CLIP2: variants seen among roughly 807,000 people sequenced by gnomAD.
CLIP2 encodes CAP-Gly domain-containing linker protein 2.
CLIP2 carries 41 observed loss-of-function variants against 111.7 expected under a neutral mutation model. The observed-to-expected ratio is 0.37, with a 90% CI of 0.29 to 0.48. The LOEUF is 0.48. CLIP2 is among the 20% of genes least tolerant of loss of function. The pLI, the probability that CLIP2 is intolerant of heterozygous loss-of-function variation, is 0.99. For synonymous variants in CLIP2, 660 were observed against 644.2 expected (o/e 1.02, Z -0.37); for missense variants, 1,160 against 1,422.1 (o/e 0.82, Z 2.96).
intron 3 of CLIP2, among the ~76,000 whole-genome samples, chr7:74,348,650 C>G (rs1265565822): frequency 6.6e-6 from 1 of 151,830 alleles, no homozygotes; most frequent in African/African-American, 2.4e-5. Context: ...ATTAGCCAGG[C>G]ATGGTGGCGG....
intron 2 of CLIP2, among the ~76,000 whole-genome samples, chr7:74,318,666 T>A (rs1269306865): frequency 6.6e-6 from 1 of 151,270 alleles, no homozygotes; most frequent in Non-Finnish European, 1.5e-5. Flanking sequence ...TGAGCCGAGA[T>A]CACACCACTG....
rs1790768013 is a variant in CLIP2 at position 74,376,024 on chromosome 7, G to A, written c.1623G>A (p.Glu541=). 1 of 1,613,064 alleles carries A rather than the reference G, an allele frequency of 6.2e-7. No individual in the cohort carries two copies. The highest frequency in any genetic ancestry group is 8.5e-7 in the Non-Finnish European group (1 of 1,179,940). Residue 541 remains glutamate, a synonymous_variant, in exon 10 of 17, where the codon GAG becomes GAA. Transcript: ENST00000223398. This position sits in a 1 kb window ranked among gnomAD's most constrained non-coding sequence, Gnocchi z 7.1. ...PPPPDHPDAA[E]ILRLRERLLS... Reference sequence around the variant, plus strand: ...CTCCGGACCACCCAGACGCCGCCGAGATCCTGCGGCTACGGGAGCGGCTGC... The same window carrying A: ...CTCCGGACCACCCAGACGCCGCCGAAATCCTGCGGCTACGGGAGCGGCTGC...
intron 11 of CLIP2, 124 bp from the exon 12 acceptor site, chr7:74,386,397 G>A (rs1791100225): frequency 4.3e-6 from 3 of 694,974 alleles, no homozygotes; most frequent in Admixed American, 3.1e-5. Flanking sequence ...GAGTGAGGAA[G>A]AACTTGGACC....
intron 2 of CLIP2, among the ~76,000 whole-genome samples, chr7:74,336,912 G>A (rs523380): frequency 0.65 from 90,659 of 138,726 alleles, 30,241 homozygotes; most frequent in Middle Eastern, 0.77. Flanking sequence ...TTGAGACAGA[G>A]TCTCACTCTG....
chr7:74,369,303 A>G (rs1457436351), intron 8 of CLIP2, among the ~76,000 whole-genome samples: 2 of 152,158 alleles, frequency 1.3e-5, no homozygotes, highest in African/African-American at 2.4e-5. Context: ...GTGAAACAAG[A>G]TCACACCACT....
chr7:74,397,196 A>T lies in CLIP2; in HGVS notation c.2843A>T (p.Asp948Val). 1 of 1,613,498 alleles carries T rather than the reference A, an allele frequency of 6.2e-7. No homozygotes were observed. Among genetic ancestry groups the T allele is most frequent in the Non-Finnish European group, 8.5e-7 (1 of 1,179,894 alleles). Residue 948 changes from aspartate (D) to valine (V), a missense_variant, in exon 14 of 17, where the codon GAT becomes GTT. This residue lies in a region of CLIP2 where 676 missense variants were observed against 777.8 expected (regional missense o/e 0.87). Transcript: ENST00000223398. ...CGGATCAAGGAGCAGAAACTCAAGG[A>T]TGACATCCGGGGCCTGCGTGAAAAG... ...EWRIKEQKLK[D>V]DIRGLREKLT...
At chr7:74,371,516 C>T (rs145144258) in intron 8 of CLIP2, among the ~76,000 whole-genome samples, 14 of 44,538 alleles carry the variant, frequency 3.1e-4, no homozygotes, top group East Asian at 1.2e-3. Flanking sequence ...AGGAGGGAGG[C>T]GGGGGAGGGA....
chr7:74,372,797 C>G (rs1270526513), intron 8 of CLIP2, 135 bp from the exon 9 acceptor site: 6 of 652,568 alleles, frequency 9.2e-6, no homozygotes, highest in South Asian at 9.0e-5. Flanking sequence ...CTACTCTCCT[C>G]GCCTTGTTCA....
chr7:74,308,046 A>G (rs528786447), intron 1 of CLIP2, among the ~76,000 whole-genome samples: 50 of 152,274 alleles, frequency 3.3e-4, no homozygotes, highest in African/African-American at 1.2e-3. Context: ...AAGACAGACA[A>G]GAACAGCATA....
chr7:74,336,311 G>A (rs1480640470), intron 2 of CLIP2, among the ~76,000 whole-genome samples: 11 of 152,040 alleles, frequency 7.2e-5, no homozygotes, highest in African/African-American at 1.4e-4. Flanking sequence ...CAAGTGATCC[G>A]CCCACCTTGG....
intron 13 of CLIP2, among the ~76,000 whole-genome samples, chr7:74,393,984 C>G (rs1290565447): frequency 3.9e-5 from 6 of 152,166 alleles, no homozygotes; most frequent in African/African-American, 1.4e-4. Context: ...CCTGCCTGGT[C>G]TCACTTTCTC....
chr7:74,320,089 G>A (rs762299472), intron 2 of CLIP2, among the ~76,000 whole-genome samples: 9 of 150,126 alleles, frequency 6.0e-5, no homozygotes, highest in Non-Finnish European at 1.0e-4. Context: ...CCAGCTACTC[G>A]AGAGGCTGAG....
intron 1 of CLIP2, among the ~76,000 whole-genome samples, chr7:74,298,268 C>G (rs1788228088): frequency 1.3e-5 from 2 of 151,896 alleles, no homozygotes; most frequent in Non-Finnish European, 2.9e-5. Flanking sequence ...TCACTGTGAT[C>G]TCCACCTTCT....
intron 1 of CLIP2, among the ~76,000 whole-genome samples, chr7:74,312,338 G>T (rs782468987): frequency 9.9e-5 from 15 of 152,152 alleles, no homozygotes; most frequent in East Asian, 7.7e-4. Flanking sequence ...AGGCCCTGGT[G>T]GGGGGGCGGG....
At chr7:74,386,110 C>T (rs111703872) in intron 11 of CLIP2, among the ~76,000 whole-genome samples, 2,949 of 149,252 alleles carry the variant, frequency 0.02, 84 homozygotes, top group African/African-American at 0.068. Context: ...TGCAATGGCG[C>T]TATCTTGGCT....
chr7:74,401,375 G>A, intron 15 of CLIP2, 130 bp from the exon 16 acceptor site: 1 of 804,060 alleles, frequency 1.2e-6, no homozygotes, highest in Non-Finnish European at 2.1e-6. Context: ...GGGGGTGCTG[G>A]GAGCCCCAGG....
At chr7:74,346,417 C>T (rs1248622201) in intron 3 of CLIP2, among the ~76,000 whole-genome samples, 1 of 152,136 alleles carries the variant, frequency 6.6e-6, no homozygotes, top group Non-Finnish European at 1.5e-5. Context: ...GGGCCAGGAA[C>T]AGAATTGGTT....
intron 1 of CLIP2, among the ~76,000 whole-genome samples, chr7:74,294,149 T>TCAAGTGATCTGCCCGCCTTGACC (rs1788106047): frequency 6.6e-6 from 1 of 152,132 alleles, no homozygotes; most frequent in Non-Finnish European, 1.5e-5. Context: ...ACTCCTGACC[T>TCAAGTGATCTGCCCGCCTTGACC]CAAGTGATCT....
chr7:74,296,394 C>T (rs1391993009), intron 1 of CLIP2, among the ~76,000 whole-genome samples: 8 of 152,040 alleles, frequency 5.3e-5, no homozygotes, highest in African/African-American at 1.7e-4. Flanking sequence ...CCTGTAATCC[C>T]AGCTACTCGG....
Sources: allele counts gnomAD v4.1 joint callset (sites outside exome capture counted in the v4.1 genomes callset), GRCh38; gene constraint gnomAD v4.1.1; regional missense constraint gnomAD v4.1.1; non-coding constraint Gnocchi (gnomAD v3.1); transcripts MANE v1.5; gene names NCBI Gene and HGNC (gene_info 2026-07-23, HGNC 2026-07-21).